The following CTNNA2 variants were observed in gnomAD, a reference collection of about 807,000 sequenced individuals.
The protein encoded by CTNNA2 is catenin alpha-2.
In CTNNA2, 42 loss-of-function variants were observed where a neutral mutation model predicts 101.0. That is an observed-to-expected ratio of 0.42 (90% CI 0.32 to 0.54). CTNNA2 has a LOEUF of 0.54. Among genes scored for constraint, CTNNA2 ranks in the 20% least tolerant of loss-of-function variants. The probability of loss-of-function intolerance (pLI) is 0.14; values close to 1 mark genes in which losing one functional copy is unlikely to be tolerated. For missense variants in CTNNA2, 871 were observed against 1,223.1 expected (o/e 0.71, Z 4.29); for synonymous variants, 450 against 456.4 (o/e 0.99, Z 0.18).
intron 2 of CTNNA2, among the ~76,000 whole-genome samples, chr2:79,661,210 CAT>C (rs893676654): frequency 6.6e-6 from 1 of 152,184 alleles, no homozygotes; most frequent in Admixed American, 6.5e-5. Context: ...TCACAGTTAA[CAT>C]GTGACATCTG....
At chr2:79,650,045 G>A (rs997820552) in intron 1 of CTNNA2, among the ~76,000 whole-genome samples, 4 of 152,034 alleles carry the variant, frequency 2.6e-5, no homozygotes, top group African/African-American at 9.7e-5. Flanking sequence ...ATTTATGTTG[G>A]TATTAAGGCA....
chr2:80,142,920 C>T lies in CTNNA2; in HGVS notation c.1056+233123C>T, dbSNP rs1442857699. 2.0e-5 allele frequency among the ~76,000 whole-genome samples: 3 copies of T among 150,314 alleles called. No individual in the cohort carries two copies. In the East Asian group the frequency reaches 5.8e-4, roughly 29 times the overall value. On this transcript the variant is annotated intron_variant, in intron 7 of 18. Transcript: ENST00000402739. The stretch of plus-strand genomic sequence containing the variant: ...TCAAGATTAACTACCGTTGACAATG[C>T]CTCATAATGATAAGTGGAAAAGAGA...
At chr2:79,785,567 AATG>A (rs148639133) in intron 3 of CTNNA2, among the ~76,000 whole-genome samples, 17,066 of 152,116 alleles carry the variant, frequency 0.11, 1,073 homozygotes, top group Admixed American at 0.17. Flanking sequence ...CCCACAGGAA[AATG>A]ATTCTATGAA....
In CTNNA2 at chr2:80,165,231, A is replaced by AT. The variant is rs573737593; in HGVS notation, c.1057-227970dup. Among the ~76,000 whole-genome samples the AT allele has an allele frequency of 9.7e-3, 1,380 of 141,556 alleles. 23 individuals carry two copies. The highest frequency in any genetic ancestry group is 0.027 in the African/African-American group (1,049 of 38,660). The allele number at this position is 141,556 out of a possible 152,430, so 92.9% of individuals were successfully genotyped here. ...TCCCTAAGGCTTTGTTAATTAATTT[A>AT]TTTTTTTTTTCAATCTGGTTTCTCT... On this transcript the variant is annotated intron_variant, in intron 7 of 18. Transcript: ENST00000402739.
chr2:79,434,404 TTGTAAA>T (rs1358554665), intron 4 of CTNNA2, among the ~76,000 whole-genome samples: 2 of 151,946 alleles, frequency 1.3e-5, no homozygotes, highest in African/African-American at 4.8e-5. Flanking sequence ...AATTTGGAAC[TTGTAAA>T]TGTTCGGAGG....
intron 16 of CTNNA2, 135 bp from the exon 17 acceptor site, chr2:80,608,049 G>T: frequency 1.4e-6 from 1 of 732,598 alleles, no homozygotes; most frequent in Non-Finnish European, 2.0e-6. Context: ...AAAATGCACT[G>T]TGAAAAAGTT....
intron 4 of CTNNA2, among the ~76,000 whole-genome samples, chr2:79,449,569 C>A (rs147793602): frequency 8.7e-4 from 133 of 152,068 alleles, no homozygotes; most frequent in African/African-American, 3.1e-3. Flanking sequence ...AAAGAAGTAC[C>A]ATCAATGTTT....
intron 7 of CTNNA2, among the ~76,000 whole-genome samples, chr2:80,285,355 G>A (rs987064344): frequency 1.3e-5 from 2 of 152,064 alleles, no homozygotes; most frequent in Admixed American, 1.3e-4. Context: ...TTATACATTC[G>A]GTGGGACTAC....
At chr2:80,099,256 A>G (rs550403506) in intron 7 of CTNNA2, among the ~76,000 whole-genome samples, 3 of 152,084 alleles carry the variant, frequency 2.0e-5, no homozygotes, top group East Asian at 1.9e-4. Flanking sequence ...TTTACCATTT[A>G]CTAGCTGAGT....
chr2:80,502,380 T>G (rs1687943039), intron 9 of CTNNA2, among the ~76,000 whole-genome samples: 1 of 152,194 alleles, frequency 6.6e-6, no homozygotes, highest in Non-Finnish European at 1.5e-5. Flanking sequence ...AAGTCCTTTT[T>G]CTTCCCAGAG....
At chr2:79,373,040 G>A (rs74551953) in intron 3 of CTNNA2, among the ~76,000 whole-genome samples, 1 of 152,208 alleles carries the variant, frequency 6.6e-6, no homozygotes, top group African/African-American at 2.4e-5. Context: ...TAAAAAGGGT[G>A]GTATAATCCT....
intron 18 of CTNNA2, among the ~76,000 whole-genome samples, chr2:80,631,672 C>T (rs1171336993): frequency 1.3e-5 from 2 of 152,086 alleles, no homozygotes; most frequent in Non-Finnish European, 2.9e-5. Flanking sequence ...AGTATCCTGG[C>T]TTATTAGGAG....
At chr2:79,846,857 T>A (rs1160110071) in intron 3 of CTNNA2, among the ~76,000 whole-genome samples, 1 of 152,258 alleles carries the variant, frequency 6.6e-6, no homozygotes, top group East Asian at 1.9e-4. Flanking sequence ...AACTTGTGAC[T>A]GTTTTAATTG....
At chr2:79,242,981 T>TACACACAC (rs1214230549) in intron 2 of CTNNA2, among the ~76,000 whole-genome samples, 1 of 61,370 alleles carries the variant, frequency 1.6e-5, no homozygotes, top group African/African-American at 5.1e-5. Context: ...TATATATATA[T>TACACACAC]ATATATATAT....
intron 9 of CTNNA2, among the ~76,000 whole-genome samples, chr2:80,479,339 A>T (rs1348432801): frequency 6.6e-6 from 1 of 152,068 alleles, no homozygotes; most frequent in Non-Finnish European, 1.5e-5. Flanking sequence ...AAAGGAAGAG[A>T]TGCTACTGGT....
At chr2:79,432,355 C>T (rs1272131314) in intron 4 of CTNNA2, among the ~76,000 whole-genome samples, 3 of 152,196 alleles carry the variant, frequency 2.0e-5, no homozygotes, top group Admixed American at 1.3e-4. Flanking sequence ...AGGATTCCAA[C>T]TCAAGTTGAC....
chr2:80,069,566 C>A (rs982355299), intron 7 of CTNNA2, among the ~76,000 whole-genome samples: 1 of 152,182 alleles, frequency 6.6e-6, no homozygotes, highest in African/African-American at 2.4e-5. Flanking sequence ...TTTGTCTGAT[C>A]TTTTCTCTTG....
At chr2:79,858,574 C>A (rs2103953110) in intron 4 of CTNNA2, among the ~76,000 whole-genome samples, 2 of 152,240 alleles carry the variant, frequency 1.3e-5, no homozygotes, top group South Asian at 4.1e-4. Flanking sequence ...CAGCTGACCA[C>A]CTGTGCCCAC....
chr2:80,388,606 G>T (rs1238719950), intron 7 of CTNNA2, among the ~76,000 whole-genome samples: 1 of 152,154 alleles, frequency 6.6e-6, no homozygotes, highest in Admixed American at 6.5e-5. Flanking sequence ...CTAGAGATGT[G>T]GCCAGGTCAC....
Sources: gnomAD v4.1 joint callset for allele counts (sites outside exome capture counted in the v4.1 genomes callset) on GRCh38, gnomAD v4.1.1 for gene constraint, MANE v1.5 for transcripts, NCBI Gene and HGNC (gene_info 2026-07-23, HGNC 2026-07-21) for gene names.